The following COG6 variants were observed in gnomAD, a reference collection of about 807,000 sequenced individuals.
The protein encoded by COG6 is component of oligomeric golgi complex 6, also known as conserved oligomeric Golgi complex subunit 6.
COG6 carries 74 observed loss-of-function variants against 88.8 expected under a neutral mutation model. That is an observed-to-expected ratio of 0.83 (90% confidence interval 0.69 to 1.01). COG6 has a LOEUF of 1.01. COG6 is among the 50% of genes least tolerant of loss of function. The pLI, the probability that COG6 is intolerant of heterozygous loss-of-function variation, is 0.00. For missense variants in COG6, 800 were observed against 797.9 expected, an observed-to-expected ratio of 1.00 and a Z score of -0.03; for synonymous variants, 286 against 278.7, an observed-to-expected ratio of 1.03 and a Z score of -0.26.
chr13:39,727,535 A>G lies in COG6; in HGVS notation c.1813A>G (p.Ser605Gly). Reference protein sequence around the residue: ...LLIPQLNFLLSATVKEQIVKQ... With the variant: ...LLIPQLNFLLGATVKEQIVKQ... ...GATACCACAGCTGAACTTTCTTCTAAGTGCCACAGTGAAGTAAGTATTTTT... is the reference window on the plus strand; with the variant it reads ...GATACCACAGCTGAACTTTCTTCTAGGTGCCACAGTGAAGTAAGTATTTTT... The change falls in exon 18 of 19, where the codon AGT becomes GGT. Residue 605 changes from serine to glycine, a missense_variant. By Grantham distance (56) the Ser-to-Gly change is moderately conservative. Coordinates refer to ENST00000455146, the MANE Select transcript of COG6 (RefSeq NM_020751.3). 1 of 1,611,984 alleles carries G rather than the reference A, an allele frequency of 6.2e-7. No individual in the cohort carries two copies. Among genetic ancestry groups the G allele is most frequent in the Non-Finnish European group, 8.5e-7 (1 of 1,178,188 alleles).
At chr13:39,675,579 C>G (rs1298825749) in intron 4 of COG6, among the ~76,000 whole-genome samples, 2 of 152,022 alleles carry the variant, frequency 1.3e-5, no homozygotes, top group African/African-American at 4.8e-5. Context: ...ATATATAGAG[C>G]CTGTGTTTCT....
At chr13:39,757,142 T>G (rs61660556), downstream of COG6, among the ~76,000 whole-genome samples, 528 of 152,332 alleles carry the variant, frequency 3.5e-3, 3 homozygotes, top group African/African-American at 0.012. Context: ...AAGTATGTTT[T>G]CAACCACAAT....
intron 18 of COG6, among the ~76,000 whole-genome samples, chr13:39,748,095 C>A (rs1156691115): frequency 1.3e-5 from 2 of 152,258 alleles, no homozygotes; most frequent in Admixed American, 1.3e-4. Flanking sequence ...TTACACACTT[C>A]TCAGAAATCT....
chr13:39,663,958 T>G (rs1159342951), intron 3 of COG6: 1 of 153,354 alleles, frequency 6.5e-6, no homozygotes, highest in Admixed American at 6.6e-5. Flanking sequence ...TTAAAAAATC[T>G]ATTTCCTGGG....
At chr13:39,778,798 A>G (rs758649821) in intron 18 of COG6, among the ~76,000 whole-genome samples, 1 of 152,196 alleles carries the variant, frequency 6.6e-6, no homozygotes, top group Non-Finnish European at 1.5e-5. Context: ...CACATGGCTG[A>G]CACGTTGGTC....
intron 16 of COG6, 34 bp from the exon 17 acceptor site, chr13:39,724,474 T>C: frequency 1.4e-6 from 2 of 1,452,760 alleles, no homozygotes; most frequent in Non-Finnish European, 9.4e-7. Context: ...TTTTTACATC[T>C]TGGATCTGCT....
intron 3 of COG6, among the ~76,000 whole-genome samples, chr13:39,664,429 A>G (rs544033509): frequency 6.6e-6 from 1 of 152,298 alleles, no homozygotes; most frequent in South Asian, 2.1e-4. Flanking sequence ...CAGATATTTG[A>G]GAGAGAATCT....
In COG6 at chr13:39,724,556, G is replaced by T. The variant is rs765402319; in HGVS notation, c.1741G>T (p.Ala581Ser). Residue 581 changes from alanine (A) to serine (S), a missense_variant, in exon 17 of 19, where the codon GCA (alanine) becomes TCA (serine). Ala to Ser is a moderately conservative substitution (Grantham distance 99, BLOSUM62 1). Coordinates refer to ENST00000455146, the MANE Select transcript of COG6 (RefSeq NM_020751.3). ...CCTAGATTCTGTGACACTGAAGGCT[G>T]CAATGGTAAGTGTATAATAAAACAT... The part of the protein sequence containing the change: ...PNLDSVTLKA[A>S]MVQFDRYLSA... 1 of 1,591,160 alleles carries T rather than the reference G, an allele frequency of 6.3e-7. No homozygotes were observed. The highest frequency in any genetic ancestry group is 1.1e-5 in the South Asian group (1 of 90,416).
At chr13:39,754,001 G>A (rs1880751951), downstream of COG6, among the ~76,000 whole-genome samples, 1 of 152,050 alleles carries the variant, frequency 6.6e-6, no homozygotes, top group Non-Finnish European at 1.5e-5. Flanking sequence ...GTCAGATCTA[G>A]CAGATTCTTC....
intron 18 of COG6, among the ~76,000 whole-genome samples, chr13:39,729,977 C>G (rs530211316): frequency 6.6e-6 from 1 of 152,244 alleles, no homozygotes; most frequent in Non-Finnish European, 1.5e-5. Flanking sequence ...ATTTCCTAAG[C>G]TTAAATCATT....
At chr13:39,770,649 A>C (rs1000038891) in intron 18 of COG6, among the ~76,000 whole-genome samples, 2 of 152,238 alleles carry the variant, frequency 1.3e-5, no homozygotes, top group Non-Finnish European at 2.9e-5. Flanking sequence ...TTGATTAAAA[A>C]GAGAAAGAAA....
intron 18 of COG6, among the ~76,000 whole-genome samples, chr13:39,731,106 A>G (rs893577714): frequency 3.3e-5 from 5 of 152,082 alleles, no homozygotes; most frequent in Non-Finnish European, 7.4e-5. Context: ...GACAGGCTTG[A>G]TAGCACTCCC....
chr13:39,773,922 A>C (rs1372415978), intron 18 of COG6, among the ~76,000 whole-genome samples: 1 of 150,536 alleles, frequency 6.6e-6, no homozygotes, highest in Non-Finnish European at 1.5e-5. Flanking sequence ...AAATAAACCT[A>C]GAAATTAATC....
chr13:39,738,695 G>A (rs1459479288), intron 18 of COG6, among the ~76,000 whole-genome samples: 1 of 152,122 alleles, frequency 6.6e-6, no homozygotes, highest in Non-Finnish European at 1.5e-5. Context: ...AGTTTAAAAG[G>A]ATGACAAAAG....
At chr13:39,745,224 A>G (rs1049692960) in intron 18 of COG6, among the ~76,000 whole-genome samples, 2 of 152,230 alleles carry the variant, frequency 1.3e-5, no homozygotes, top group Admixed American at 6.5e-5. Flanking sequence ...TGGCAACAAA[A>G]GCCAAAGTAG....
chr13:39,750,872 CA>C (rs1880584063), intron 18 of COG6, 73 bp from the exon 19 acceptor site: 1 of 1,143,984 alleles, frequency 8.7e-7, no homozygotes. Context: ...ATTGAAGTGT[CA>C]AGCTGTCTTA....
intron 18 of COG6, among the ~76,000 whole-genome samples, chr13:39,778,318 G>T (rs970370128): frequency 6.6e-6 from 1 of 152,166 alleles, no homozygotes; most frequent in Non-Finnish European, 1.5e-5. Flanking sequence ...CTAGAGCCTA[G>T]AAAAGGCAGC....
At chr13:39,695,611 C>CA (rs1347217618) in intron 12 of COG6, among the ~76,000 whole-genome samples, 2 of 151,528 alleles carry the variant, frequency 1.3e-5, no homozygotes, top group Admixed American at 6.6e-5. Context: ...TACAGAGTAC[C>CA]AAAAAACTGT....
chr13:39,788,837 T>G (rs1382489245), exon 19 of COG6: 1 of 155,942 alleles, frequency 6.4e-6, no homozygotes, highest in African/African-American at 2.4e-5. Flanking sequence ...TCTTCTAAAC[T>G]TCACTATTCT....
Sources: allele counts gnomAD v4.1 joint callset (sites outside exome capture counted in the v4.1 genomes callset), GRCh38; gene constraint gnomAD v4.1.1; transcripts MANE v1.5; gene names NCBI Gene and HGNC (gene_info 2026-07-23, HGNC 2026-07-21).